The following PCDHGA7 variants were observed in gnomAD, a reference collection of about 807,000 sequenced individuals.
PCDHGA7 encodes the protein protocadherin gamma subfamily A, 7.
PCDHGA7 carries 44 observed loss-of-function variants against 58.3 expected under a neutral mutation model. The observed-to-expected ratio is 0.75, with a 90% CI of 0.59 to 0.97. PCDHGA7 has a LOEUF of 0.97. PCDHGA7 is among the 50% of genes least tolerant of loss of function. The pLI, the probability that PCDHGA7 is intolerant of heterozygous loss-of-function variation, is 0.00. For missense variants in PCDHGA7, 1,266 were observed against 1,188.7 expected (o/e 1.06, Z -0.96); for synonymous variants, 516 against 504.2 (o/e 1.02, Z -0.31).
At chr5:141,418,908 C>T (rs1037628215) in intron 1 of PCDHGA7, 1 of 1,613,814 alleles carries the variant, frequency 6.2e-7, no homozygotes, top group Non-Finnish European at 8.5e-7. Context: ...ATAATCATCA[C>T]GTCACTCTCT....
chr5:141,459,989 A>G (rs2098979714), intron 1 of PCDHGA7, among the ~76,000 whole-genome samples: 1 of 152,204 alleles, frequency 6.6e-6, no homozygotes, highest in Non-Finnish European at 1.5e-5. Flanking sequence ...GAGACAGGAG[A>G]ATCGCTTGAA....
At chr5:141,463,460 T>TTC (rs573961569) in intron 1 of PCDHGA7, among the ~76,000 whole-genome samples, 28 of 136,126 alleles carry the variant, frequency 2.1e-4, no homozygotes, top group Admixed American at 4.4e-4. Context: ...TTTTTTTTTT[T>TTC]TTTTTTGAGA....
chr5:141,409,056 C>T, intron 1 of PCDHGA7: 2 of 1,613,926 alleles, frequency 1.2e-6, no homozygotes, highest in South Asian at 1.1e-5. Context: ...CGAAGCACTG[C>T]CCAGAGCACA....
chr5:141,447,954 C>T (rs927510517), intron 1 of PCDHGA7, among the ~76,000 whole-genome samples: 11 of 151,814 alleles, frequency 7.2e-5, no homozygotes, highest in Non-Finnish European at 1.2e-4. Flanking sequence ...GGCATGGTGG[C>T]GGACACCTAT....
At chr5:141,430,384 A>G (rs547268242) in intron 1 of PCDHGA7, among the ~76,000 whole-genome samples, 32 of 122,116 alleles carry the variant, frequency 2.6e-4, no homozygotes, top group East Asian at 6.6e-4. Context: ...GCTCATTGGG[A>G]AAAAAAAAAA....
intron 1 of PCDHGA7, chr5:141,414,379 A>G (rs2095740987): frequency 1.2e-6 from 2 of 1,613,912 alleles, no homozygotes; most frequent in African/African-American, 1.3e-5. Context: ...AGAAAAGTCC[A>G]TTGACAGTTA....
chr5:141,428,168 C>A, intron 1 of PCDHGA7: 1 of 1,551,608 alleles, frequency 6.4e-7, no homozygotes, highest in Non-Finnish European at 8.8e-7. Context: ...GGTTGCTGTG[C>A]GTGACGGAGG....
At chr5:141,426,492 T>A (rs1439487321) in intron 1 of PCDHGA7, 11 of 336,712 alleles carry the variant, frequency 3.3e-5, no homozygotes, top group South Asian at 2.6e-4. Flanking sequence ...TTAGAGTTAG[T>A]GCAGAGAAAC....
Position 141,382,913 on chromosome 5 carries a change from C to G in PCDHGA7, c.14C>G (p.Pro5Arg). 5.2e-6 allele frequency: 8 copies of G among 1,553,234 alleles called. No homozygotes were observed. The highest frequency in any genetic ancestry group is 7.0e-6 in the Non-Finnish European group (8 of 1,150,244). MAAQ[P>R]RGGDYRGFFL... The stretch of plus-strand genomic sequence containing the variant: ...AGCAGGACGACTATGGCGGCTCAGC[C>G]GAGGGGCGGGGACTACAGAGGATTC... Residue 5 changes from proline (P) to arginine (R), a missense_variant, in exon 1 of 4, where the codon CCG (proline) becomes CGG (arginine). Coordinates refer to ENST00000518325, the MANE Select transcript of PCDHGA7 (RefSeq NM_018920.4).
rs780863525 is a variant in PCDHGA7 at position 141,384,110 on chromosome 5, T to C, written c.1211T>C (p.Leu404Ser). ...LEKSIDNYYRLVTTKNLDRET... is the reference protein window; with the variant it reads ...LEKSIDNYYRSVTTKNLDRET... The stretch of plus-strand genomic sequence containing the variant: ...AAATCAATAGATAATTATTATAGAT[T>C]GGTCACAACCAAAAACTTGGACCGG... Residue 404 changes from leucine to serine, a missense_variant, in exon 1 of 4, where the codon TTG becomes TCG. Leu to Ser is a moderately radical substitution (Grantham distance 145). Transcript: ENST00000518325. The C allele has an allele frequency of 5.0e-6, 8 of 1,604,780 alleles. No homozygotes were observed. The South Asian group carries it at 7.8e-5, about 16-fold the overall frequency.
chr5:141,408,660 C>T, intron 1 of PCDHGA7: 1 of 1,613,980 alleles, frequency 6.2e-7, no homozygotes, highest in East Asian at 2.2e-5. Context: ...ACACGACTAT[C>T]GCTTGACCCT....
Position 141,489,999 on chromosome 5 carries a change from GA to G in PCDHGA7, c.2425-4806del. On this transcript the variant is annotated intron_variant, in intron 1 of 3. Transcript: ENST00000518325. The surrounding 1 kb of genome is among the most constrained non-coding windows in gnomAD (Gnocchi z 4.5). ...CAGTTCTACGTGTGGGAATCCCAGA[GA>G]ATGCACCCATTGGTACTCTGCTGCT... 1 of 1,614,242 alleles carries G rather than the reference GA, an allele frequency of 6.2e-7. No individual in the cohort carries two copies. Among genetic ancestry groups the G allele is most frequent in the Non-Finnish European group, 8.5e-7 (1 of 1,180,032 alleles).
chr5:141,478,381 C>T (rs931860600), intron 1 of PCDHGA7: 22 of 1,613,664 alleles, frequency 1.4e-5, no homozygotes, highest in Non-Finnish European at 1.8e-5. Flanking sequence ...TGTCGCCGCA[C>T]CTTTACCATC....
At chr5:141,395,375 G>A (rs761076022) in intron 1 of PCDHGA7, 34 of 1,180,184 alleles carry the variant, frequency 2.9e-5, no homozygotes, top group Non-Finnish European at 3.3e-5. Flanking sequence ...TTTTGGTGGT[G>A]TTACTATAAA....
intron 2 of PCDHGA7, among the ~76,000 whole-genome samples, chr5:141,502,124 A>G (rs4912762): frequency 0.55 from 83,213 of 152,012 alleles, 23,486 homozygotes; most frequent in African/African-American, 0.67. Flanking sequence ...CCAGGCCCAC[A>G]GAGCTCAGTC....
rs772659046 is a variant in PCDHGA7 at position 141,426,970 on chromosome 5, A to C, written c.2424+41647A>C. On this transcript the variant is annotated intron_variant, in intron 1 of 3. Coordinates refer to ENST00000518325, the MANE Select transcript of PCDHGA7 (RefSeq NM_018920.4). Reference sequence around the variant, plus strand: ...ACTGGCACTGCTGCAATTCAAATTGAGGTCACTGATGCCAACGATAATGCC... The same window carrying C: ...ACTGGCACTGCTGCAATTCAAATTGCGGTCACTGATGCCAACGATAATGCC... 72 of 456,624 alleles carry C rather than the reference A, an allele frequency of 1.6e-4. No homozygotes were observed. In the Middle Eastern group the frequency reaches 1.6e-3, roughly 10 times the overall value. The allele number at this position is 456,624 out of a possible 1,614,324, so 28.3% of individuals were successfully genotyped here. A position where few individuals can be genotyped will look rare whatever the true frequency, so the allele number is the denominator to read the frequency against.
chr5:141,387,136 T>G (rs985189189), intron 1 of PCDHGA7, among the ~76,000 whole-genome samples: 1 of 152,210 alleles, frequency 6.6e-6, no homozygotes, highest in Non-Finnish European at 1.5e-5. Context: ...CTGAAACTAT[T>G]GGGAAGGGGG....
At chr5:141,421,296 G>C in intron 1 of PCDHGA7, 1 of 1,613,444 alleles carries the variant, frequency 6.2e-7, no homozygotes, top group Non-Finnish European at 8.5e-7. Context: ...TCCTGGGGAC[G>C]CTGCGGGGGT....
rs748950800 is a variant in PCDHGA7, at chr5:141,476,983, C to T, written c.2425-17824C>T. ...ACTCCTTCGGCAGCCACAACCGCGC[C>T]GGCGTGCGGCAACTATTCGCCTTAG... On this transcript the variant is annotated intron_variant, in intron 1 of 3. Transcript: ENST00000518325. The surrounding 1 kb of genome is among the most constrained non-coding windows in gnomAD (Gnocchi z 7.6). 12 of 1,614,096 alleles carry T rather than the reference C, an allele frequency of 7.4e-6. No individual in the cohort carries two copies. The highest frequency in any genetic ancestry group is 8.5e-7 in the Non-Finnish European group (1 of 1,180,046).
Sources: allele counts gnomAD v4.1 joint callset (sites outside exome capture counted in the v4.1 genomes callset), GRCh38; gene constraint gnomAD v4.1.1; non-coding constraint Gnocchi (gnomAD v3.1); transcripts MANE v1.5; gene names NCBI Gene and HGNC (gene_info 2026-07-23, HGNC 2026-07-21).